Variants in OTUD7A observed in about 807,000 individuals in gnomAD.
The protein encoded by OTUD7A is OTU deubiquitinase 7A.
A neutral mutation model predicts 65.7 loss-of-function variants in OTUD7A; 12 were observed. The observed-to-expected ratio is 0.18, with a 90% CI of 0.12 to 0.30. The LOEUF (loss-of-function observed/expected upper bound fraction) is 0.30. Ranked by LOEUF, OTUD7A falls within the 10% of genes least tolerant of loss-of-function variation. The probability of loss-of-function intolerance (pLI) is 1.00; values close to 1 mark genes in which losing one functional copy is unlikely to be tolerated. For missense variants in OTUD7A, 1,148 were observed against 1,304.8 expected, an observed-to-expected ratio of 0.88 and a Z score of 1.85; for synonymous variants, 641 against 586.3, an observed-to-expected ratio of 1.09 and a Z score of -1.35.
chr15:31,607,463 T>C (rs1243694930), intron 3 of OTUD7A, among the ~76,000 whole-genome samples: 2 of 152,124 alleles, frequency 1.3e-5, no homozygotes, highest in Non-Finnish European at 2.9e-5. Flanking sequence ...CTCACCCCAG[T>C]TGCCTAAAAT....
intron 3 of OTUD7A, among the ~76,000 whole-genome samples, chr15:31,644,464 G>A (rs561117869): frequency 9.9e-5 from 15 of 152,148 alleles, no homozygotes; most frequent in African/African-American, 3.6e-4. Flanking sequence ...CATTAGGTAT[G>A]ATCAGAGTGA....
rs921744888 is a variant in OTUD7A at position 31,501,586 on chromosome 15, AG to A, written c.1171+103del. The A allele has an allele frequency of 7.2e-5, 105 of 1,453,622 alleles. No homozygotes were observed. In the African/African-American group the frequency reaches 8.4e-4, roughly 12 times the overall value. 90.0% of individuals were successfully genotyped at this position (1,453,622 alleles called of 1,614,324 possible). ...CTGAGTGTGCACAGGTGTGCTTCTA[AG>A]GGGGGGTCTCCACAATCCACCTCCC... On this transcript the variant is annotated intron_variant, in intron 10 of 12. Transcript: ENST00000307050.
intron 1 of OTUD7A, among the ~76,000 whole-genome samples, chr15:31,702,454 T>C (rs1893233405): frequency 6.6e-6 from 1 of 150,694 alleles, no homozygotes; most frequent in South Asian, 2.1e-4. Context: ...CAGTTGTATC[T>C]CTCTGTAATA....
chr15:31,798,057 A>G (rs2140945213), intron 1 of OTUD7A, among the ~76,000 whole-genome samples: 1 of 152,168 alleles, frequency 6.6e-6, no homozygotes, highest in East Asian at 1.9e-4. Flanking sequence ...AGTGACTGAT[A>G]TCTTCTTATA....
chr15:31,764,030 G>A (rs1183294558), intron 1 of OTUD7A, among the ~76,000 whole-genome samples: 2 of 152,136 alleles, frequency 1.3e-5, no homozygotes, highest in Non-Finnish European at 2.9e-5. Flanking sequence ...ATATGTTAAT[G>A]GAAGTTTCTC....
intron 1 of OTUD7A, among the ~76,000 whole-genome samples, chr15:31,846,026 C>T (rs772802667): frequency 2.0e-5 from 3 of 152,262 alleles, no homozygotes; most frequent in African/African-American, 7.2e-5. Flanking sequence ...TGCTCCTCCC[C>T]TGCCCTTGGC....
At chr15:31,621,592 C>CTTTTTTTTTTT (rs150301160) in intron 3 of OTUD7A, among the ~76,000 whole-genome samples, 1 of 151,146 alleles carries the variant, frequency 6.6e-6, no homozygotes, top group Non-Finnish European at 1.5e-5. Flanking sequence ...CAACCCCTAC[C>CTTTTTTTTTTT]TTTTTTTTTG....
chr15:31,544,386 C>T (rs1283319575), intron 5 of OTUD7A, among the ~76,000 whole-genome samples: 1 of 151,254 alleles, frequency 6.6e-6, no homozygotes, highest in Non-Finnish European at 1.5e-5. Context: ...GATCAGGAGT[C>T]AGTAAACTTT....
At position 31,586,820 on chromosome 15, in the gene OTUD7A, C is replaced by G. The variant is rs146261587; in HGVS notation, c.152-16623G>C. On this transcript the variant is annotated intron_variant, in intron 3 of 12. Coordinates refer to ENST00000307050, the MANE Select transcript of OTUD7A (RefSeq NM_001382637.1). ...CTTGGCATCTGGGATGCCACATTCC[C>G]TTGGCTTGCCCCCTCTCCACTACTG... is the stretch of plus-strand genomic sequence containing the variant. 3.2e-3 allele frequency among the ~76,000 whole-genome samples: 493 copies of G among 152,166 alleles called. 1 individual carries two copies. Among genetic ancestry groups the G allele is most frequent in the African/African-American group, 0.011 (471 of 41,510 alleles).
intron 1 of OTUD7A, among the ~76,000 whole-genome samples, chr15:31,855,377 A>G (rs978531893): frequency 1.4e-4 from 21 of 152,238 alleles, no homozygotes; most frequent in Non-Finnish European, 2.9e-4. Context: ...GGCAAGAGTT[A>G]TTTTCAAGCT....
intron 5 of OTUD7A, among the ~76,000 whole-genome samples, chr15:31,555,140 G>A (rs1000380887): frequency 1.3e-5 from 2 of 152,152 alleles, no homozygotes; most frequent in African/African-American, 4.8e-5. Flanking sequence ...TCAGGCCCCA[G>A]GATGGACAGC....
chr15:31,869,690 G>A (rs1457057828), intron 1 of OTUD7A, among the ~76,000 whole-genome samples: 2 of 152,188 alleles, frequency 1.3e-5, no homozygotes, highest in Non-Finnish European at 2.9e-5. Context: ...CTTGTGTGAG[G>A]TAGCTGAGTT....
chr15:31,860,872 ATTTTTTTTTTT>A (rs5811669), intron 1 of OTUD7A, among the ~76,000 whole-genome samples: 1 of 87,040 alleles, frequency 1.1e-5, no homozygotes, highest in South Asian at 4.3e-4. Context: ...TGCCCAGCTA[ATTTTTTTTTTT>A]TTTTTTTTTG....
rs370954012 is a variant in OTUD7A at position 31,662,627 on chromosome 15, CT to C, written c.-99-5551del. Among the ~76,000 whole-genome samples the C allele has an allele frequency of 3.1e-3, 468 of 152,220 alleles. 3 individuals are homozygous for C. The highest frequency in any genetic ancestry group is 0.011 in the African/African-American group (453 of 41,532). The stretch of plus-strand genomic sequence containing the variant: ...AACATTTCTCCAAAGAACTATGAGT[CT>C]TTTTTATTGAGAATGGTTTTTCAAG... On this transcript the variant is annotated intron_variant, in intron 1 of 12. Transcript: ENST00000307050.
intron 3 of OTUD7A, among the ~76,000 whole-genome samples, chr15:31,571,536 C>A (rs1029200752): frequency 6.6e-6 from 1 of 152,174 alleles, no homozygotes; most frequent in Non-Finnish European, 1.5e-5. Context: ...TATATCATTT[C>A]ATCACCCAAG....
intron 1 of OTUD7A, among the ~76,000 whole-genome samples, chr15:31,845,594 A>T (rs539713294): frequency 7.4e-4 from 112 of 152,288 alleles, no homozygotes; most frequent in Middle Eastern, 3.4e-3. Context: ...ACAGATCCCC[A>T]GCCCCCAACC....
At chr15:31,702,874 A>T (rs59407809) in intron 1 of OTUD7A, among the ~76,000 whole-genome samples, 8,658 of 151,814 alleles carry the variant, frequency 0.057, 557 homozygotes, top group African/African-American at 0.16. Context: ...ACAGTAATGA[A>T]GACTGCAGTA....
At chr15:31,513,692 G>A (rs1187316075) in intron 8 of OTUD7A, among the ~76,000 whole-genome samples, 1 of 152,216 alleles carries the variant, frequency 6.6e-6, no homozygotes, top group Non-Finnish European at 1.5e-5. Context: ...GTGAACTGCA[G>A]ATTGTCCCAT....
intron 1 of OTUD7A, among the ~76,000 whole-genome samples, chr15:31,823,414 T>C (rs773101341): frequency 6.6e-6 from 1 of 152,134 alleles, no homozygotes; most frequent in Non-Finnish European, 1.5e-5. Flanking sequence ...ATGTATTTGA[T>C]TGTCAAAATG....
Sources: gnomAD v4.1 joint callset for allele counts (sites outside exome capture counted in the v4.1 genomes callset) on GRCh38, gnomAD v4.1.1 for gene constraint, MANE v1.5 for transcripts, NCBI Gene and HGNC (gene_info 2026-07-23, HGNC 2026-07-21) for gene names.